RBFOX1: variants seen among roughly 807,000 people sequenced by gnomAD.
RBFOX1 encodes RNA binding fox-1 homolog 1, also known as RNA binding protein fox-1 homolog 1.
A neutral mutation model predicts 57.7 loss-of-function variants in RBFOX1; 8 were observed. The observed-to-expected ratio is 0.14, with a 90% CI of 0.08 to 0.25. The LOEUF (loss-of-function observed/expected upper bound fraction) is 0.25, where lower values mean the gene tolerates loss of function less well. Among genes scored for constraint, RBFOX1 ranks in the 10% least tolerant of loss-of-function variants. The pLI, the probability that RBFOX1 is intolerant of heterozygous loss-of-function variation, is 1.00. For synonymous variants in RBFOX1, 326 were observed against 222.4 expected, an observed-to-expected ratio of 1.47 and a Z score of -4.15; for missense variants, 611 against 548.5, an observed-to-expected ratio of 1.11 and a Z score of -1.14.
intron 3 of RBFOX1, among the ~76,000 whole-genome samples, chr16:7,022,125 C>G (rs2039483551): frequency 6.9e-6 from 1 of 144,844 alleles, no homozygotes. Context: ...TGTGGTGGAG[C>G]AATCTCCACT....
At chr16:7,230,051 GA>G (rs1567807218) in intron 4 of RBFOX1, among the ~76,000 whole-genome samples, 3 of 66,272 alleles carry the variant, frequency 4.5e-5, no homozygotes, top group African/African-American at 1.3e-4. Flanking sequence ...AGAGAGGAAG[GA>G]AAGGAGAGAG....
intron 3 of RBFOX1, among the ~76,000 whole-genome samples, chr16:6,661,357 A>T (rs1487595605): frequency 6.6e-6 from 1 of 152,216 alleles, no homozygotes; most frequent in African/African-American, 2.4e-5. Flanking sequence ...AAGACGGTGT[A>T]GAGAACATGG....
chr16:6,976,043 C>G (rs530512845), intron 3 of RBFOX1, among the ~76,000 whole-genome samples: 4 of 152,254 alleles, frequency 2.6e-5, no homozygotes, highest in African/African-American at 9.6e-5. Context: ...AAGTGAATTG[C>G]TTGAACCCAG....
intron 2 of RBFOX1, among the ~76,000 whole-genome samples, chr16:5,489,928 A>C (rs911143999): frequency 6.6e-6 from 1 of 152,180 alleles, no homozygotes; most frequent in Admixed American, 6.5e-5. Context: ...GAATCCAAGG[A>C]TGTCTCACAG....
chr16:5,452,439 C>T (rs2068455847), intron 1 of RBFOX1, among the ~76,000 whole-genome samples: 2 of 152,010 alleles, frequency 1.3e-5, no homozygotes, highest in Non-Finnish European at 2.9e-5. Flanking sequence ...CCTCTCACAT[C>T]TGATTGTCAC....
chr16:5,330,519 C>T (rs1015752797), intron 1 of RBFOX1, among the ~76,000 whole-genome samples: 2 of 152,094 alleles, frequency 1.3e-5, no homozygotes, highest in East Asian at 1.9e-4. Context: ...TCTCCTGCCT[C>T]AGTCTCCCAA....
chr16:7,646,021 T>G (rs1227684470), intron 11 of RBFOX1, among the ~76,000 whole-genome samples: 1 of 152,090 alleles, frequency 6.6e-6, no homozygotes, highest in Non-Finnish European at 1.5e-5. Flanking sequence ...CTTTCCATTT[T>G]TGTTTGGAGC....
At chr16:7,378,024 G>C (rs1336505444) in intron 4 of RBFOX1, among the ~76,000 whole-genome samples, 2 of 152,216 alleles carry the variant, frequency 1.3e-5, no homozygotes, top group Non-Finnish European at 2.9e-5. Flanking sequence ...GTTAGAATAA[G>C]CTTGACATGT....
intron 3 of RBFOX1, chr16:6,775,703 C>G (rs1164426974): frequency 6.6e-6 from 1 of 152,134 alleles, no homozygotes; most frequent in Non-Finnish European, 1.5e-5. Flanking sequence ...AAATTAGTGC[C>G]TAATGTCATC....
chr16:5,786,723 A>G (rs1338515376), intron 3 of RBFOX1, among the ~76,000 whole-genome samples: 1 of 152,124 alleles, frequency 6.6e-6, no homozygotes, highest in Non-Finnish European at 1.5e-5. Flanking sequence ...GGTCATACTC[A>G]TTACAGCCAT....
chr16:6,666,484 C>A (rs1031013413), intron 3 of RBFOX1, among the ~76,000 whole-genome samples: 4 of 146,966 alleles, frequency 2.7e-5, no homozygotes, highest in African/African-American at 5.1e-5. Context: ...AGGTTACAGT[C>A]AGCTGAGATC....
chr16:7,284,802 C>T (rs1218132369), intron 4 of RBFOX1, among the ~76,000 whole-genome samples: 4 of 152,180 alleles, frequency 2.6e-5, no homozygotes, highest in Non-Finnish European at 5.9e-5. Context: ...AAGTTCAGGG[C>T]AGTCACTGGC....
intron 1 of RBFOX1, among the ~76,000 whole-genome samples, chr16:6,293,549 A>G (rs919396653): frequency 6.6e-6 from 1 of 152,144 alleles, no homozygotes; most frequent in African/African-American, 2.4e-5. Context: ...GGGAACTGAT[A>G]ATCTAGGTTT....
chr16:6,772,994 G>C (rs1487060619), intron 3 of RBFOX1, among the ~76,000 whole-genome samples: 1 of 134,004 alleles, frequency 7.5e-6, no homozygotes, highest in Non-Finnish European at 1.5e-5. Flanking sequence ...TGTGGGTGTG[G>C]GGTGCATATG....
intron 1 of RBFOX1, among the ~76,000 whole-genome samples, chr16:5,387,652 G>C (rs1023716284): frequency 1.3e-5 from 2 of 152,216 alleles, no homozygotes; most frequent in African/African-American, 2.4e-5. Flanking sequence ...CTCTGAGAGA[G>C]GGAGGGGAGT....
chr16:7,491,067 C>T (rs2066813724), intron 4 of RBFOX1, among the ~76,000 whole-genome samples: 1 of 152,118 alleles, frequency 6.6e-6, no homozygotes, highest in Admixed American at 6.5e-5. Context: ...CCAAATGGCT[C>T]ACACTTCTTA....
At chr16:7,309,024 C>T (rs561194122) in intron 4 of RBFOX1, among the ~76,000 whole-genome samples, 11 of 152,210 alleles carry the variant, frequency 7.2e-5, no homozygotes, top group South Asian at 4.2e-4. Flanking sequence ...GTGTCAGTAA[C>T]GCAGAAAAGA....
intron 2 of RBFOX1, among the ~76,000 whole-genome samples, chr16:6,485,616 C>G (rs1037754453): frequency 6.6e-6 from 1 of 152,168 alleles, no homozygotes; most frequent in Non-Finnish European, 1.5e-5. Context: ...GTACAGCAGT[C>G]TTATAAAAAG....
chr16:6,028,671 AC>A (rs1418214271), intron 1 of RBFOX1, among the ~76,000 whole-genome samples: 1 of 152,086 alleles, frequency 6.6e-6, no homozygotes, highest in Non-Finnish European at 1.5e-5. Flanking sequence ...ACAGAGCAAG[AC>A]CCTATCTGTA....
Sources: allele counts gnomAD v4.1 joint callset (sites outside exome capture counted in the v4.1 genomes callset), GRCh38; gene constraint gnomAD v4.1.1; transcripts MANE v1.5; gene names NCBI Gene and HGNC (gene_info 2026-07-23, HGNC 2026-07-21).